SLC25A21: variants seen among roughly 807,000 people sequenced by gnomAD.
SLC25A21 encodes the protein mitochondrial 2-oxodicarboxylate carrier.
A neutral mutation model predicts 43.8 loss-of-function variants in SLC25A21; 47 were observed. That is an observed-to-expected ratio of 1.07 (90% CI 0.85 to 1.37). The LOEUF is 1.37. SLC25A21 is among the 40% of genes most tolerant of loss of function. The pLI is 0.00. For synonymous variants in SLC25A21, 131 were observed against 121.3 expected (o/e 1.08, Z -0.52); for missense variants, 352 against 350.2 (o/e 1.00, Z -0.04).
chr14:37,016,412 T>G (rs9743793), intron 1 of SLC25A21, among the ~76,000 whole-genome samples: 58,181 of 151,996 alleles, frequency 0.38, 12,048 homozygotes, highest in African/African-American at 0.55. Context: ...ATCTCTGTTT[T>G]GGTACCAGTA....
intron 7 of SLC25A21, among the ~76,000 whole-genome samples, chr14:36,701,668 C>T (rs554212156): frequency 1.3e-5 from 2 of 152,198 alleles, no homozygotes; most frequent in East Asian, 3.9e-4. Context: ...ATATATTTCA[C>T]AGATATAATA....
chr14:36,803,749 T>A (rs1887946333), intron 3 of SLC25A21, among the ~76,000 whole-genome samples: 1 of 152,200 alleles, frequency 6.6e-6, no homozygotes, highest in African/African-American at 2.4e-5. Context: ...GGTGACTATA[T>A]CTTTACATAC....
intron 7 of SLC25A21, among the ~76,000 whole-genome samples, chr14:36,704,368 A>T (rs1883406796): frequency 2.6e-5 from 4 of 152,232 alleles, no homozygotes; most frequent in Admixed American, 2.6e-4. Flanking sequence ...GTGACAAAAT[A>T]CAAGGTAAGA....
At chr14:37,118,282 C>T (rs1456051130) in intron 1 of SLC25A21, among the ~76,000 whole-genome samples, 1 of 152,114 alleles carries the variant, frequency 6.6e-6, no homozygotes, top group Non-Finnish European at 1.5e-5. Flanking sequence ...GATCCACCAA[C>T]AAGTCCTGTG....
At position 36,680,175 on chromosome 14, in the gene SLC25A21, A is replaced by ATAT. The variant is rs150289856; in HGVS notation, c.*480_*482dup. 3.6e-6 allele frequency: 3 copies of ATAT among 836,626 alleles called. No individual in the cohort carries two copies. The highest frequency in any genetic ancestry group is 4.3e-6 in the Non-Finnish European group (3 of 695,090). The allele number at this position is 836,626 out of a possible 1,614,324, so 51.8% of individuals were successfully genotyped here. A position where few individuals can be genotyped will look rare whatever the true frequency, so the allele number is the denominator to read the frequency against. On this transcript the variant is annotated 3_prime_UTR_variant, in exon 10 of 10. Coordinates refer to ENST00000331299, the MANE Select transcript of SLC25A21 (RefSeq NM_030631.4). ...AAAAAATTTTTCTTGTGCTCTTTAA[A>ATAT]TATTATTTATGGAATAATTTAATTC... is the stretch of plus-strand genomic sequence containing the variant.
intron 1 of SLC25A21, among the ~76,000 whole-genome samples, chr14:37,038,262 T>C (rs1961371728): frequency 6.6e-6 from 1 of 152,156 alleles, no homozygotes; most frequent in African/African-American, 2.4e-5. Flanking sequence ...TCAGAGTTTC[T>C]GAGGTGACAT....
At chr14:37,062,902 G>A (rs748574312) in intron 1 of SLC25A21, among the ~76,000 whole-genome samples, 3 of 152,068 alleles carry the variant, frequency 2.0e-5, no homozygotes, top group Non-Finnish European at 4.4e-5. Context: ...GCATTCTCAC[G>A]CTGCTATGAA....
At chr14:36,914,865 T>C (rs1197336946) in intron 1 of SLC25A21, among the ~76,000 whole-genome samples, 1 of 152,206 alleles carries the variant, frequency 6.6e-6, no homozygotes, top group East Asian at 1.9e-4. Flanking sequence ...TAAATGATTG[T>C]CTTTTCCCTG....
chr14:37,130,605 A>C (rs535589349), intron 1 of SLC25A21, among the ~76,000 whole-genome samples: 1 of 152,352 alleles, frequency 6.6e-6, no homozygotes, highest in African/African-American at 2.4e-5. Flanking sequence ...ACCTAAGCAA[A>C]AATAAATGGA....
intron 2 of SLC25A21, among the ~76,000 whole-genome samples, chr14:36,843,659 A>T (rs1189781257): frequency 6.6e-6 from 1 of 152,186 alleles, no homozygotes; most frequent in African/African-American, 2.4e-5. Flanking sequence ...ATACTTCACC[A>T]TGTCTCCTAA....
intron 3 of SLC25A21, among the ~76,000 whole-genome samples, chr14:36,742,013 A>G (rs1228281125): frequency 6.6e-6 from 1 of 152,150 alleles, no homozygotes; most frequent in Non-Finnish European, 1.5e-5. Context: ...AGTCAATCAT[A>G]TCTTTACAAT....
chr14:36,803,606 T>A (rs1461734793), intron 3 of SLC25A21, among the ~76,000 whole-genome samples: 6 of 152,208 alleles, frequency 3.9e-5, no homozygotes, highest in Non-Finnish European at 8.8e-5. Context: ...TTTATCTCAT[T>A]TTTTGTCATC....
intron 4 of SLC25A21, among the ~76,000 whole-genome samples, chr14:36,732,514 T>G (rs1884871150): frequency 6.6e-6 from 1 of 152,178 alleles, no homozygotes; most frequent in Non-Finnish European, 1.5e-5. Flanking sequence ...ATTTCATTTA[T>G]TTAGCATCAG....
At chr14:37,137,257 A>G (rs1327768988) in intron 1 of SLC25A21, among the ~76,000 whole-genome samples, 2 of 152,094 alleles carry the variant, frequency 1.3e-5, no homozygotes, top group Non-Finnish European at 1.5e-5. Context: ...TCGGCCTCCT[A>G]AAGTGCTGGG....
chr14:37,106,371 G>T (rs987674358), intron 1 of SLC25A21, among the ~76,000 whole-genome samples: 2 of 150,122 alleles, frequency 1.3e-5, no homozygotes, highest in African/African-American at 2.5e-5. Context: ...ATGCATTCCT[G>T]GGGGGAGGTC....
At chr14:37,067,649 A>G (rs2138820807) in intron 1 of SLC25A21, among the ~76,000 whole-genome samples, 1 of 152,322 alleles carries the variant, frequency 6.6e-6, no homozygotes, top group South Asian at 2.1e-4. Context: ...TCCATGAACA[A>G]AAGTATGGAG....
At chr14:37,014,554 C>A (rs1206377029) in intron 1 of SLC25A21, among the ~76,000 whole-genome samples, 1 of 152,098 alleles carries the variant, frequency 6.6e-6, no homozygotes, top group South Asian at 2.1e-4. Flanking sequence ...CCCTCAAAGT[C>A]TTCTATGAGA....
intron 7 of SLC25A21, 39 bp downstream of exon 7, chr14:36,711,279 G>T (rs1883849670): frequency 1.3e-6 from 2 of 1,592,748 alleles, no homozygotes; most frequent in African/African-American, 2.7e-5. Flanking sequence ...ATCACTGATA[G>T]GATTTTTCCT....
At chr14:36,918,206 C>A (rs1308504015) in intron 1 of SLC25A21, among the ~76,000 whole-genome samples, 1 of 152,076 alleles carries the variant, frequency 6.6e-6, no homozygotes, top group African/African-American at 2.4e-5. Context: ...GAAAAAGTTT[C>A]AAAAAACCTG....
Sources: gnomAD v4.1 joint callset for allele counts (sites outside exome capture counted in the v4.1 genomes callset) on GRCh38, gnomAD v4.1.1 for gene constraint, MANE v1.5 for transcripts, NCBI Gene and HGNC (gene_info 2026-07-23, HGNC 2026-07-21) for gene names.